Variants in SEMA3A observed in about 807,000 individuals in gnomAD.
SEMA3A encodes semaphorin-3A.
SEMA3A carries 29 observed loss-of-function variants against 97.9 expected under a neutral mutation model. The observed-to-expected ratio is 0.30, with a 90% CI of 0.22 to 0.40. The LOEUF is 0.40. Ranked by LOEUF, SEMA3A falls within the 10% of genes least tolerant of loss-of-function variation. SEMA3A has a pLI of 1.00. For synonymous variants in SEMA3A, 321 were observed against 323.7 expected, an observed-to-expected ratio of 0.99 and a Z score of 0.09; for missense variants, 763 against 951.3, an observed-to-expected ratio of 0.80 and a Z score of 2.60.
chr7:84,407,449 G>A (rs974618595), intron 1 of SEMA3A, among the ~76,000 whole-genome samples: 14 of 152,144 alleles, frequency 9.2e-5, no homozygotes, highest in Admixed American at 1.3e-4. Flanking sequence ...AATCAATATC[G>A]TGAAAATGGT....
intron 1 of SEMA3A, among the ~76,000 whole-genome samples, chr7:84,152,725 T>C (rs1423731254): frequency 6.6e-6 from 1 of 151,852 alleles, no homozygotes; most frequent in Non-Finnish European, 1.5e-5. Flanking sequence ...AAGAAGAAGC[T>C]GAGATTATGT....
Position 84,208,395 on chromosome 7 carries a change from TG to T in SEMA3A, c.-82-13728del. Among the ~76,000 whole-genome samples, 3 of 124,036 alleles carry T rather than the reference TG, an allele frequency of 2.4e-5. 1 individual carries two copies. In the South Asian group the frequency reaches 8.0e-4, roughly 33 times the overall value. The allele number at this position is 124,036 out of a possible 152,430, so 81.4% of individuals were successfully genotyped here. Reference sequence around the variant, plus strand: ...TGAACCCGGGAGGCGGAGCTTGCAGTGAGCCGAGATCCTGCCACTGCAGTCC... The same window carrying T: ...TGAACCCGGGAGGCGGAGCTTGCAGTAGCCGAGATCCTGCCACTGCAGTCC... On this transcript the variant is annotated intron_variant, in intron 3 of 3. Transcript: ENST00000424555.
intron 4 of SEMA3A, among the ~76,000 whole-genome samples, chr7:84,075,694 T>C (rs1793922655): frequency 1.3e-5 from 2 of 152,142 alleles, no homozygotes; most frequent in Non-Finnish European, 2.9e-5. Flanking sequence ...TGGCCTCAAG[T>C]GATCTGCCCA....
chr7:84,214,125 A>T (rs1798691637), intron 3 of SEMA3A, among the ~76,000 whole-genome samples: 2 of 152,226 alleles, frequency 1.3e-5, no homozygotes, highest in African/African-American at 2.4e-5. Context: ...CAGACATTGG[A>T]CTATGAATAG....
chr7:84,181,799 A>C (rs1014532669), intron 1 of SEMA3A, among the ~76,000 whole-genome samples: 14 of 152,174 alleles, frequency 9.2e-5, no homozygotes, highest in Non-Finnish European at 4.4e-5. Context: ...TATCATTTAC[A>C]TATACTGATT....
At chr7:84,453,566 A>G (rs1805617218) in intron 1 of SEMA3A, among the ~76,000 whole-genome samples, 1 of 152,100 alleles carries the variant, frequency 6.6e-6, no homozygotes, top group African/African-American at 2.4e-5. Flanking sequence ...TGATAGAGAC[A>G]ATGCATCCTG....
intron 11 of SEMA3A, among the ~76,000 whole-genome samples, chr7:84,002,728 AT>A (rs1790510838): frequency 6.6e-6 from 1 of 152,196 alleles, no homozygotes; most frequent in Admixed American, 6.6e-5. Context: ...GTACACTTTG[AT>A]TAATCCATTT....
intron 12 of SEMA3A, among the ~76,000 whole-genome samples, chr7:83,990,682 G>C (rs1088370): frequency 0.73 from 81,496 of 112,350 alleles, 29,831 homozygotes; most frequent in East Asian, 0.87. Context: ...ATCTATATCT[G>C]TGTTTTGGTA....
intron 15 of SEMA3A, among the ~76,000 whole-genome samples, chr7:83,971,512 G>C (rs1487528991): frequency 6.6e-6 from 1 of 151,364 alleles, no homozygotes; most frequent in Non-Finnish European, 1.5e-5. Context: ...ATATACTGAA[G>C]TATATAACAG....
chr7:84,153,456 C>T (rs1796741495), intron 1 of SEMA3A, among the ~76,000 whole-genome samples: 1 of 152,158 alleles, frequency 6.6e-6, no homozygotes, highest in South Asian at 2.1e-4. Flanking sequence ...AGAAATCTTA[C>T]CTTATGATCA....
chr7:84,174,597 A>T (rs1037790434), intron 1 of SEMA3A, among the ~76,000 whole-genome samples: 1 of 152,222 alleles, frequency 6.6e-6, no homozygotes, highest in East Asian at 1.9e-4. Flanking sequence ...TATGTTTGTT[A>T]TTTCAGTAAA....
At chr7:83,984,087 C>A (rs1330562513) in intron 13 of SEMA3A, among the ~76,000 whole-genome samples, 2 of 152,032 alleles carry the variant, frequency 1.3e-5, no homozygotes, top group African/African-American at 4.8e-5. Context: ...TTAATATGTA[C>A]TTTTTTAAAC....
intron 4 of SEMA3A, among the ~76,000 whole-genome samples, chr7:84,061,832 C>G (rs1367374714): frequency 6.6e-6 from 1 of 152,062 alleles, no homozygotes; most frequent in Admixed American, 6.6e-5. Context: ...TGCATTTATT[C>G]TGTATTTGGC....
At chr7:84,099,237 A>AT (rs1307044894) in intron 4 of SEMA3A, among the ~76,000 whole-genome samples, 2 of 112,216 alleles carry the variant, frequency 1.8e-5, no homozygotes, top group African/African-American at 2.7e-5. Context: ...CGCCCGGCTA[A>AT]TTTTTTGTAT....
At chr7:84,397,511 A>G (rs1049628506) in intron 1 of SEMA3A, among the ~76,000 whole-genome samples, 1 of 148,976 alleles carries the variant, frequency 6.7e-6, no homozygotes, top group African/African-American at 2.4e-5. Context: ...TATATATATT[A>G]CATATATTAC....
chr7:84,488,788 T>C (rs1806648328), intron 1 of SEMA3A, among the ~76,000 whole-genome samples: 1 of 152,194 alleles, frequency 6.6e-6, no homozygotes. Flanking sequence ...ATCATATTCC[T>C]TGATTGACAA....
chr7:83,971,507 C>A (rs943787948), intron 15 of SEMA3A, among the ~76,000 whole-genome samples: 1 of 150,624 alleles, frequency 6.6e-6, no homozygotes, highest in African/African-American at 2.4e-5. Flanking sequence ...ACAGTATATA[C>A]TGAAGTATAT....
chr7:84,468,812 A>C (rs1197295134), intron 1 of SEMA3A, among the ~76,000 whole-genome samples: 3 of 150,950 alleles, frequency 2.0e-5, no homozygotes, highest in Non-Finnish European at 3.0e-5. Flanking sequence ...AATAGTTTTT[A>C]TTTTCTTTTT....
intron 2 of SEMA3A, among the ~76,000 whole-genome samples, chr7:84,362,097 C>A (rs868517725): frequency 6.6e-6 from 1 of 151,814 alleles, no homozygotes; most frequent in Admixed American, 6.6e-5. Flanking sequence ...GATAAACAGT[C>A]TTCCTTCATG....
Sources: allele counts gnomAD v4.1 joint callset (sites outside exome capture counted in the v4.1 genomes callset), GRCh38; gene constraint gnomAD v4.1.1; transcripts MANE v1.5; gene names NCBI Gene and HGNC (gene_info 2026-07-23, HGNC 2026-07-21).